The following GPR137C variants were observed in gnomAD, a reference collection of about 807,000 sequenced individuals.
GPR137C encodes G protein-coupled receptor 137C, also known as integral membrane protein GPR137C.
Under a neutral mutation model 43.4 loss-of-function variants are expected in GPR137C, and 27 were observed. The observed-to-expected ratio is 0.62, with a 90% CI of 0.46 to 0.86. GPR137C has a LOEUF of 0.86. Among genes scored for constraint, GPR137C ranks in the 40% least tolerant of loss-of-function variants. The pLI, the probability that GPR137C is intolerant of heterozygous loss-of-function variation, is 0.00. For missense variants in GPR137C, 522 were observed against 534.6 expected, an observed-to-expected ratio of 0.98 and a Z score of 0.23; for synonymous variants, 285 against 226.9, an observed-to-expected ratio of 1.26 and a Z score of -2.30.
At chr14:52,611,959 C>T (rs957452373) in intron 3 of GPR137C, 16 of 985,008 alleles carry the variant, frequency 1.6e-5, no homozygotes, top group Non-Finnish European at 1.9e-5. Flanking sequence ...TAGGCTTGTT[C>T]TTACAAAACT....
chr14:52,572,991 A>T (rs944075399), intron 1 of GPR137C, among the ~76,000 whole-genome samples: 5 of 152,224 alleles, frequency 3.3e-5, no homozygotes, highest in Admixed American at 3.3e-4. Context: ...AAAGAGAATA[A>T]AATACCTAGG....
chr14:52,603,026 T>TTGATA (rs1403554930), intron 3 of GPR137C, among the ~76,000 whole-genome samples: 1 of 152,228 alleles, frequency 6.6e-6, no homozygotes, highest in African/African-American at 2.4e-5. Flanking sequence ...ATTTCCATAA[T>TTGATA]GTACTATCAA....
At chr14:52,590,114 A>C (rs184239599) in intron 1 of GPR137C, among the ~76,000 whole-genome samples, 1 of 152,314 alleles carries the variant, frequency 6.6e-6, no homozygotes, top group East Asian at 1.9e-4. Context: ...TTCCAGTGGC[A>C]CAAGATGTGG....
chr14:52,558,733 C>T (rs556210803), intron 1 of GPR137C, among the ~76,000 whole-genome samples: 3 of 151,918 alleles, frequency 2.0e-5, no homozygotes, highest in East Asian at 3.9e-4. Flanking sequence ...TGTTGAAATA[C>T]AAAAAATTGG....
At chr14:52,607,362 A>T (rs1314429178) in intron 3 of GPR137C, among the ~76,000 whole-genome samples, 4 of 152,138 alleles carry the variant, frequency 2.6e-5, no homozygotes, top group Non-Finnish European at 5.9e-5. Context: ...CACCTGGATG[A>T]TCTGTCCGTT....
chr14:52,557,523 C>A (rs2038212835), intron 1 of GPR137C, among the ~76,000 whole-genome samples: 1 of 152,102 alleles, frequency 6.6e-6, no homozygotes, highest in South Asian at 2.1e-4. Flanking sequence ...TGGTTTAGTT[C>A]AATGTTTGAC....
chr14:52,617,278 G>A (rs1181434505), intron 3 of GPR137C, among the ~76,000 whole-genome samples: 1 of 151,880 alleles, frequency 6.6e-6, no homozygotes, highest in Non-Finnish European at 1.5e-5. Flanking sequence ...CAGTGAGAGT[G>A]GTATAAATAA....
Position 52,597,652 on chromosome 14 carries a change from T to C in GPR137C, c.445-620T>C, listed in dbSNP as rs181159684. Reference sequence around the variant, plus strand: ...TAATTTAAAGTTCACCAGTAAGGACTTGAGATCCTTAATACTATGTTCGCA... The same window carrying C: ...TAATTTAAAGTTCACCAGTAAGGACCTGAGATCCTTAATACTATGTTCGCA... On this transcript the variant is annotated intron_variant, in intron 1 of 6. Coordinates refer to ENST00000321662, the MANE Select transcript of GPR137C (RefSeq NM_001099652.2). Among the ~76,000 whole-genome samples, 5 of 152,346 alleles carry C rather than the reference T, an allele frequency of 3.3e-5. No individual in the cohort carries two copies. The East Asian group carries it at 9.6e-4, about 29-fold the overall frequency.
At chr14:52,559,297 A>G (rs570528353) in intron 1 of GPR137C, among the ~76,000 whole-genome samples, 2 of 152,230 alleles carry the variant, frequency 1.3e-5, no homozygotes, top group Non-Finnish European at 1.5e-5. Context: ...CAGGAGAATC[A>G]TTTGAACCTG....
intron 3 of GPR137C, 43 bp downstream of exon 3, chr14:52,600,384 A>G (rs796227206): frequency 1.0e-6 from 1 of 1,000,544 alleles, no homozygotes; most frequent in East Asian, 2.6e-5. Flanking sequence ...TCTAATTTCA[A>G]ATTCTTACCC....
chr14:52,595,882 TGGA>T (rs780833076), intron 1 of GPR137C, among the ~76,000 whole-genome samples: 1 of 152,232 alleles, frequency 6.6e-6, no homozygotes, highest in African/African-American at 2.4e-5. Flanking sequence ...TGCTATCCTT[TGGA>T]GGAGAAGAGG....
At chr14:52,585,076 C>A (rs2038695476) in intron 1 of GPR137C, among the ~76,000 whole-genome samples, 1 of 152,170 alleles carries the variant, frequency 6.6e-6, no homozygotes, top group Admixed American at 6.5e-5. Flanking sequence ...AATCTAACAT[C>A]TTTCACAAGA....
At chr14:52,575,657 G>A (rs1169465309) in intron 1 of GPR137C, among the ~76,000 whole-genome samples, 10 of 152,088 alleles carry the variant, frequency 6.6e-5, no homozygotes, top group African/African-American at 9.7e-5. Context: ...TTTATGAATT[G>A]GGAGAATTAA....
At chr14:52,597,595 A>G (rs2038871751) in intron 1 of GPR137C, among the ~76,000 whole-genome samples, 2 of 152,200 alleles carry the variant, frequency 1.3e-5, no homozygotes, top group Non-Finnish European at 2.9e-5. Flanking sequence ...AGCTGTATAA[A>G]AACTTTCAAT....
chr14:52,553,622 G>C (rs761381734), intron 1 of GPR137C, 31 bp downstream of exon 1: 40 of 1,512,750 alleles, frequency 2.6e-5, no homozygotes, highest in Admixed American at 8.0e-5. Flanking sequence ...TGCGGGGCCC[G>C]GGCGGGTGCG....
At chr14:52,605,699 T>C (rs2038976336) in intron 3 of GPR137C, among the ~76,000 whole-genome samples, 1 of 152,234 alleles carries the variant, frequency 6.6e-6, no homozygotes, top group South Asian at 2.1e-4. Context: ...TATTTAGACT[T>C]TATCTTGCTG....
chr14:52,587,921 C>T (rs747126244), intron 1 of GPR137C, among the ~76,000 whole-genome samples: 31 of 152,134 alleles, frequency 2.0e-4, no homozygotes, highest in Middle Eastern at 3.2e-3. Context: ...ATAGTGTGAT[C>T]AGATGTACTT....
chr14:52,598,815 T>C (rs576680191), intron 2 of GPR137C, among the ~76,000 whole-genome samples: 136 of 152,348 alleles, frequency 8.9e-4, no homozygotes, highest in Middle Eastern at 3.4e-3. Context: ...TCTAATTATC[T>C]GGATATGTAG....
intron 3 of GPR137C, among the ~76,000 whole-genome samples, chr14:52,603,649 C>T (rs2038951776): frequency 1.3e-5 from 2 of 152,122 alleles, no homozygotes; most frequent in African/African-American, 4.8e-5. Context: ...ATTCTCCTGC[C>T]TCAGCCTCCC....
Sources: gnomAD v4.1 joint callset for allele counts (sites outside exome capture counted in the v4.1 genomes callset) on GRCh38, gnomAD v4.1.1 for gene constraint, MANE v1.5 for transcripts, NCBI Gene and HGNC (gene_info 2026-07-23, HGNC 2026-07-21) for gene names.